Variants in FNDC5 observed in about 807,000 individuals in gnomAD.
The protein encoded by FNDC5 is fibronectin type III domain-containing protein 5.
Under a neutral mutation model 24.6 loss-of-function variants are expected in FNDC5, and 10 were observed. The observed-to-expected ratio is 0.41, with a 90% CI of 0.25 to 0.69. FNDC5 has a LOEUF of 0.69. FNDC5 is among the 30% of genes least tolerant of loss of function. FNDC5 has a pLI of 0.34. For missense variants in FNDC5, 226 were observed against 282.9 expected, an observed-to-expected ratio of 0.80 and a Z score of 1.44; for synonymous variants, 90 against 110.7, an observed-to-expected ratio of 0.81 and a Z score of 1.18.
intron 3 of FNDC5, 104 bp from the exon 4 acceptor site, chr1:32,867,946 A>T (rs1641104811): frequency 8.4e-7 from 1 of 1,189,416 alleles, no homozygotes; most frequent in African/African-American, 1.5e-5. Context: ...GTGCCCACAC[A>T]TCTAACATAC....
chr1:32,867,023 A>G (rs1401881984), intron 4 of FNDC5, among the ~76,000 whole-genome samples: 1 of 152,162 alleles, frequency 6.6e-6, no homozygotes, highest in African/African-American at 2.4e-5. Flanking sequence ...CCAGGAGGTC[A>G]AGGCTGCAGT....
In FNDC5 at chr1:32,864,406, G is replaced by A. The variant is rs537131281; in HGVS notation, c.634-107C>T. On this transcript the variant is annotated intron_variant, in intron 5 of 5. Transcript: ENST00000373471. Reference sequence around the variant, plus strand: ...CCAGACACCCCACTCCTATTGTCCCGCGCCAACCAAGAATTCTGCCCTCCC... The same window carrying A: ...CCAGACACCCCACTCCTATTGTCCCACGCCAACCAAGAATTCTGCCCTCCC... The A allele has an allele frequency of 1.8e-4, 276 of 1,532,646 alleles. 1 individual carries two copies. The highest frequency in any genetic ancestry group is 2.6e-4 in the Admixed American group (12 of 45,770). The allele number at this position is 1,532,646 out of a possible 1,614,324, so 94.9% of individuals were successfully genotyped here.
In FNDC5 at chr1:32,868,495, A is replaced by G. The variant is rs190082581; in HGVS notation, c.211-107T>C. On this transcript the variant is annotated intron_variant, in intron 2 of 5. Coordinates refer to ENST00000373471, the MANE Select transcript of FNDC5 (RefSeq NM_153756.3). This position sits in a 1 kb window ranked among gnomAD's most constrained non-coding sequence, Gnocchi z 4.8. ...TTACATACACAATCTTCATCATTCC[A>G]TCACCTCCGCTATCAATATCTCCAT... is the stretch of plus-strand genomic sequence containing the variant. 2.9e-5 allele frequency: 35 copies of G among 1,188,998 alleles called. No homozygotes were observed. The East Asian group carries it at 9.0e-4, about 30-fold the overall frequency. The allele number at this position is 1,188,998 out of a possible 1,614,324, so 73.7% of individuals were successfully genotyped here. A position where few individuals can be genotyped will look rare whatever the true frequency, so the allele number is the denominator to read the frequency against.
In FNDC5 at chr1:32,864,793, G is replaced by A. The variant is rs1272758501; in HGVS notation, c.504C>T (p.Val168=). ...CATACTGGCGGCAGAAGAGGGCAAT[G>A]ACACCTGAGGGGGGACAAGTGAGCA... is the stretch of plus-strand genomic sequence containing the variant. The change falls in exon 5 of 6, where the codon GTC becomes GTT. Residue 168 remains valine, a synonymous_variant. Transcript: ENST00000373471. 6.2e-7 allele frequency: 1 copy of A among 1,614,034 alleles called. No homozygotes were observed. Among genetic ancestry groups the A allele is most frequent in the Non-Finnish European group, 8.5e-7 (1 of 1,180,032 alleles).
intron 4 of FNDC5, among the ~76,000 whole-genome samples, chr1:32,865,049 A>T (rs1641044403): frequency 6.6e-6 from 1 of 151,996 alleles, no homozygotes; most frequent in African/African-American, 2.4e-5. Flanking sequence ...TAAACCTCTG[A>T]CAGTGGCCAG....
chr1:32,870,751 G>A lies in FNDC5; in HGVS notation c.-5C>T. On this transcript the variant is annotated 5_prime_UTR_variant, in exon 1 of 6. Coordinates refer to ENST00000373471, the MANE Select transcript of FNDC5 (RefSeq NM_153756.3). Reference sequence around the variant, plus strand: ...GCTCGGCGACCCGGGGTGTATGGTGGCTCCTCCGGCCGGCAGGCCCGGGGC... The same window carrying A: ...GCTCGGCGACCCGGGGTGTATGGTGACTCCTCCGGCCGGCAGGCCCGGGGC... The A allele has an allele frequency of 1.8e-6, 2 of 1,124,048 alleles. No homozygotes were observed. Among genetic ancestry groups the A allele is most frequent in the Non-Finnish European group, 2.2e-6 (2 of 919,464 alleles). 69.6% of individuals were successfully genotyped at this position (1,124,048 alleles called of 1,614,324 possible).
At chr1:32,869,663 G>A (rs894852133) in intron 1 of FNDC5, among the ~76,000 whole-genome samples, 3 of 152,160 alleles carry the variant, frequency 2.0e-5, no homozygotes, top group Non-Finnish European at 4.4e-5. Flanking sequence ...TCCATGGCGA[G>A]TGGAGAGGAG....
Position 32,870,736 on chromosome 1 carries a change from C to T in FNDC5, c.11G>A (p.Gly4Glu), listed in dbSNP as rs901949848. The T allele has an allele frequency of 1.7e-6, 2 of 1,160,288 alleles. No individual in the cohort carries two copies. The highest frequency in any genetic ancestry group is 2.1e-6 in the Non-Finnish European group (2 of 942,800). The allele number at this position is 1,160,288 out of a possible 1,614,324, so 71.9% of individuals were successfully genotyped here. Residue 4 changes from glycine to glutamate, a missense_variant, in exon 1 of 6, where the codon GGG becomes GAG. Coordinates refer to ENST00000373471, the MANE Select transcript of FNDC5 (RefSeq NM_153756.3). ...GCGGGGCGGCCAGGCGCTCGGCGAC[C>T]CGGGGTGTATGGTGGCTCCTCCGGC... is the stretch of plus-strand genomic sequence containing the variant.
In FNDC5 at chr1:32,863,635, C is replaced by G. The variant is rs1641003934; in HGVS notation, c.*659G>C. The G allele has an allele frequency of 8.9e-7, 1 of 1,128,588 alleles. No individual in the cohort carries two copies. The highest frequency in any genetic ancestry group is 1.2e-6 in the Non-Finnish European group (1 of 829,762). 69.9% of individuals were successfully genotyped at this position (1,128,588 alleles called of 1,614,324 possible). Reference sequence around the variant, plus strand: ...GGAGAAGAGAGAACTGTGCAGCTAGCTGTGCCTCCTCCCCACTGCTGCAGT... The same window carrying G: ...GGAGAAGAGAGAACTGTGCAGCTAGGTGTGCCTCCTCCCCACTGCTGCAGT... On this transcript the variant is annotated 3_prime_UTR_variant, in exon 6 of 6. Coordinates refer to ENST00000373471, the MANE Select transcript of FNDC5 (RefSeq NM_153756.3).
intron 4 of FNDC5, 122 bp from the exon 5 acceptor site, chr1:32,864,919 C>T: frequency 2.8e-6 from 4 of 1,407,070 alleles, no homozygotes; most frequent in Non-Finnish European, 3.8e-6. Context: ...TACTGCAGCA[C>T]CCTCCCTCTG....
intron 5 of FNDC5, 99 bp from the exon 6 acceptor site, chr1:32,864,398 A>G (rs1350624892): frequency 3.2e-6 from 5 of 1,561,762 alleles, no homozygotes; most frequent in South Asian, 1.2e-5. Flanking sequence ...CCCCACTCCT[A>G]TTGTCCCGCG....
Position 32,864,147 on chromosome 1 carries a change from G to T in FNDC5, c.*147C>A. ...AGGAAAGTGCGCCAGAGAGAGGACA[G>T]TAAGCCAGAGGGTACAAGGAGATGG... On this transcript the variant is annotated 3_prime_UTR_variant, in exon 6 of 6. Transcript: ENST00000373471. The T allele has an allele frequency of 6.4e-7, 1 of 1,565,170 alleles. No homozygotes were observed. The highest frequency in any genetic ancestry group is 1.2e-5 in the South Asian group (1 of 82,770).
At chr1:32,871,217 TGC>T (rs1252992292), upstream of FNDC5, among the ~76,000 whole-genome samples, 1 of 149,760 alleles carries the variant, frequency 6.7e-6, no homozygotes, top group Non-Finnish European at 1.5e-5. Context: ...AGAGGACAAG[TGC>T]CACCGAGATG....
intron 4 of FNDC5, 124 bp downstream of exon 4, chr1:32,867,629 G>T: frequency 1.2e-6 from 1 of 854,882 alleles, no homozygotes; most frequent in Non-Finnish European, 1.8e-6. Flanking sequence ...GGCAGGACTT[G>T]GAGACTTTTC....
chr1:32,868,045 T>A lies in FNDC5; in HGVS notation c.409+145A>T, dbSNP rs1053720473. On this transcript the variant is annotated intron_variant, in intron 3 of 5. Transcript: ENST00000373471. The surrounding 1 kb of genome is among the most constrained non-coding windows in gnomAD (Gnocchi z 4.8). ...ATATGCTCAGCGTCTTGTCAGGGAC[T>A]AGCGTGAACCCTCTCTCAGGTACTG... 1 of 1,081,760 alleles carries A rather than the reference T, an allele frequency of 9.2e-7. No individual in the cohort carries two copies. The highest frequency in any genetic ancestry group is 2.4e-5 in the East Asian group (1 of 42,162). The allele number at this position is 1,081,760 out of a possible 1,614,324, so 67.0% of individuals were successfully genotyped here.
intron 5 of FNDC5, 171 bp from the exon 6 acceptor site, chr1:32,864,470 T>A (rs1641030903): frequency 1.4e-6 from 2 of 1,474,904 alleles, no homozygotes; most frequent in African/African-American, 2.9e-5. Flanking sequence ...AAATCACCAC[T>A]GGCCCCTGGC....
intron 1 of FNDC5, among the ~76,000 whole-genome samples, chr1:32,870,337 T>G (rs1239920671): frequency 6.6e-5 from 10 of 151,982 alleles, no homozygotes; most frequent in Admixed American, 4.6e-4. Context: ...ACTGGTGTCC[T>G]CAGCTGCTCC....
chr1:32,866,548 ACTC>A lies in FNDC5; in HGVS notation c.499+1202_499+1204del, dbSNP rs1641074008. Among the ~76,000 whole-genome samples, 4 of 151,730 alleles carry A rather than the reference ACTC, an allele frequency of 2.6e-5. No individual in the cohort carries two copies. In the South Asian group the frequency reaches 8.3e-4, roughly 32 times the overall value. On this transcript the variant is annotated intron_variant, in intron 4 of 5. Coordinates refer to ENST00000373471, the MANE Select transcript of FNDC5 (RefSeq NM_153756.3). ...TATTCCTCTTTTGGCTGCTTGGTGAACTCCTATTTATCCTTCAAAGCTCAATTC... is the reference window on the plus strand; with the variant it reads ...TATTCCTCTTTTGGCTGCTTGGTGAACTATTTATCCTTCAAAGCTCAATTC...
Position 32,863,601 on chromosome 1 carries a change from C to A in FNDC5, c.*693G>T. 1 of 894,842 alleles carries A rather than the reference C, an allele frequency of 1.1e-6. No homozygotes were observed. 55.4% of individuals were successfully genotyped at this position (894,842 alleles called of 1,614,324 possible). On this transcript the variant is annotated 3_prime_UTR_variant, in exon 6 of 6. Transcript: ENST00000373471. The stretch of plus-strand genomic sequence containing the variant: ...TTGTAGTGCAGCCTCCTTCATCTGA[C>A]TAGGACAAGGAGAAGAGAGAACTGT...
Sources: allele counts gnomAD v4.1 joint callset (sites outside exome capture counted in the v4.1 genomes callset), GRCh38; gene constraint gnomAD v4.1.1; non-coding constraint Gnocchi (gnomAD v3.1); transcripts MANE v1.5; gene names NCBI Gene and HGNC (gene_info 2026-07-23, HGNC 2026-07-21).